MYO1B: variants seen among roughly 807,000 people sequenced by gnomAD.
MYO1B encodes unconventional myosin-Ib.
Under a neutral mutation model 159.7 loss-of-function variants are expected in MYO1B, and 72 were observed. The ratio of observed to expected loss-of-function variants is 0.45; its 90% CI spans 0.37 to 0.55. MYO1B has a LOEUF of 0.55. MYO1B is among the 20% of genes least tolerant of loss of function. MYO1B has a pLI of 0.00. For missense variants in MYO1B, 1,062 were observed against 1,364.8 expected, an observed-to-expected ratio of 0.78 and a Z score of 3.50; for synonymous variants, 468 against 473.8, an observed-to-expected ratio of 0.99 and a Z score of 0.16.
intron 1 of MYO1B, among the ~76,000 whole-genome samples, chr2:191,275,880 C>T (rs1244126804): frequency 2.0e-5 from 3 of 152,208 alleles, no homozygotes; most frequent in African/African-American, 2.4e-5. Context: ...ATATCCCACA[C>T]ACTCCTATGC....
chr2:191,355,134 T>C (rs546870619), intron 7 of MYO1B, among the ~76,000 whole-genome samples: 1 of 152,322 alleles, frequency 6.6e-6, no homozygotes, highest in African/African-American at 2.4e-5. Flanking sequence ...GTGAATGAGC[T>C]TGGGTTAGCT....
chr2:191,363,612 A>G (rs1693815934), intron 9 of MYO1B, 116 bp from the exon 10 acceptor site: 3 of 1,346,596 alleles, frequency 2.2e-6, no homozygotes, highest in Non-Finnish European at 3.0e-6. Flanking sequence ...CTGAAGATAT[A>G]GCTTTGTCTT....
chr2:191,249,153 A>G (rs1228339568), intron 1 of MYO1B, among the ~76,000 whole-genome samples: 1 of 152,194 alleles, frequency 6.6e-6, no homozygotes, highest in African/African-American at 2.4e-5. Flanking sequence ...AGCCCTTTTT[A>G]TCTTACAGCC....
chr2:191,305,801 G>A (rs557342458), intron 3 of MYO1B, among the ~76,000 whole-genome samples: 3 of 152,266 alleles, frequency 2.0e-5, no homozygotes, highest in African/African-American at 7.2e-5. Flanking sequence ...GTGGTCCCCT[G>A]GGAAATGGGG....
chr2:191,313,192 C>CTTTTTTTTTTTTTTTT (rs762175060), intron 3 of MYO1B, among the ~76,000 whole-genome samples: 9 of 43,010 alleles, frequency 2.1e-4, no homozygotes, highest in South Asian at 1.7e-3. Flanking sequence ...GCACACATGG[C>CTTTTTTTTTTTTTTTT]TTTTTTTTTT....
chr2:191,390,794 TAG>T (rs1488186023), intron 18 of MYO1B, among the ~76,000 whole-genome samples: 1 of 152,198 alleles, frequency 6.6e-6, no homozygotes, highest in Non-Finnish European at 1.5e-5. Context: ...AGGGTAGAAT[TAG>T]AGACAGGTTG....
intron 13 of MYO1B, among the ~76,000 whole-genome samples, chr2:191,376,430 A>G (rs1002941451): frequency 2.6e-5 from 4 of 152,232 alleles, no homozygotes; most frequent in Admixed American, 2.6e-4. Context: ...AAGCTGTCAA[A>G]GGCTTTAACA....
chr2:191,310,494 C>T (rs1315425827), intron 3 of MYO1B, among the ~76,000 whole-genome samples: 3 of 152,170 alleles, frequency 2.0e-5, no homozygotes, highest in East Asian at 1.9e-4. Context: ...TGAGCCACCA[C>T]GCCCGACCTG....
At position 191,317,262 on chromosome 2, in the gene MYO1B, A is replaced by T. The variant is rs1690412147; in HGVS notation, c.252-12673A>T. Among the ~76,000 whole-genome samples the T allele has an allele frequency of 2.6e-5, 4 of 152,152 alleles. No homozygotes were observed. The South Asian group carries it at 8.3e-4, about 32-fold the overall frequency. Reference sequence around the variant, plus strand: ...GAACTCAAGAAGGAAATGAGGATAAAAGTGATACTTGTTCAAAGGGGACCT... The same window carrying T: ...GAACTCAAGAAGGAAATGAGGATAATAGTGATACTTGTTCAAAGGGGACCT... On this transcript the variant is annotated intron_variant, in intron 3 of 30. Coordinates refer to ENST00000392318, the MANE Select transcript of MYO1B (RefSeq NM_001130158.3).
Position 191,387,345 on chromosome 2 carries a change from C to G in MYO1B, c.1676C>G (p.Pro559Arg). The G allele has an allele frequency of 6.2e-7, 1 of 1,614,142 alleles. No individual in the cohort carries two copies. The highest frequency in any genetic ancestry group is 8.5e-7 in the Non-Finnish European group (1 of 1,180,036). Residue 559 changes from proline to arginine, a missense_variant, in exon 17 of 31, where the codon CCC becomes CGC. Pro to Arg is a moderately radical substitution (Grantham distance 103). Coordinates refer to ENST00000392318, the MANE Select transcript of MYO1B (RefSeq NM_001130158.3). Reference protein sequence around the residue: ...LIKSLFPEGNPAKINLKRPPT... With the variant: ...LIKSLFPEGNRAKINLKRPPT... ...AAGTCTTTGTTCCCCGAAGGGAATC[C>G]CGCCAAGATCAACCTGAAAAGGCCT...
intron 13 of MYO1B, chr2:191,371,132 G>A (rs1329782913): frequency 1.3e-5 from 2 of 152,094 alleles, no homozygotes; most frequent in Non-Finnish European, 2.9e-5. Context: ...TTTTAGGAGT[G>A]GTATTTTAGT....
intron 2 of MYO1B, among the ~76,000 whole-genome samples, chr2:191,295,619 T>A (rs1688936969): frequency 6.6e-6 from 1 of 152,064 alleles, no homozygotes; most frequent in South Asian, 2.1e-4. Flanking sequence ...TGTGGAAAGA[T>A]TGACAGACTT....
chr2:191,369,236 A>G (rs1240182129), intron 11 of MYO1B, among the ~76,000 whole-genome samples: 1 of 152,036 alleles, frequency 6.6e-6, no homozygotes, highest in Non-Finnish European at 1.5e-5. Context: ...ACTACCCCCT[A>G]TTGTTGGATG....
chr2:191,282,038 G>T (rs574208533), intron 2 of MYO1B, among the ~76,000 whole-genome samples: 1 of 152,270 alleles, frequency 6.6e-6, no homozygotes, highest in East Asian at 1.9e-4. Flanking sequence ...CCATATATTT[G>T]ATTTAAAATA....
rs372336668 is a variant in MYO1B, at chr2:191,383,316, G to T, written c.1327G>T (p.Ala443Ser). 3.8e-6 allele frequency: 6 copies of T among 1,583,780 alleles called. No homozygotes were observed. Among genetic ancestry groups the T allele is most frequent in the Non-Finnish European group, 5.1e-6 (6 of 1,166,936 alleles). The part of the protein sequence containing the change: ...EWTHIDYFNN[A>S]IICDLIENNT... Reference sequence around the variant, plus strand: ...GACTCACATTGACTACTTCAATAATGCTATCATTTGTGACCTAATAGAAAA... The same window carrying T: ...GACTCACATTGACTACTTCAATAATTCTATCATTTGTGACCTAATAGAAAA... The change falls in exon 15 of 31, where the codon GCT becomes TCT. Residue 443 changes from alanine to serine, a missense_variant. Transcript: ENST00000392318.
chr2:191,383,241 A>G, intron 14 of MYO1B, 39 bp from the exon 15 acceptor site: 1 of 1,338,738 alleles, frequency 7.5e-7, no homozygotes, highest in Non-Finnish European at 1.0e-6. Context: ...TCGTGGCTTC[A>G]TCTTGTGTCA....
intron 13 of MYO1B, among the ~76,000 whole-genome samples, chr2:191,380,724 CAGAG>C (rs1299235450): frequency 1.3e-5 from 2 of 152,106 alleles, no homozygotes; most frequent in Admixed American, 6.6e-5. Flanking sequence ...GGGCCTTCTA[CAGAG>C]AGAGAGATTG....
At chr2:191,355,925 A>G (rs1453891584) in intron 7 of MYO1B, among the ~76,000 whole-genome samples, 1 of 152,126 alleles carries the variant, frequency 6.6e-6, no homozygotes. Context: ...TTTTTAATTT[A>G]CGACACAATT....
At chr2:191,325,435 T>C (rs555629871) in intron 3 of MYO1B, among the ~76,000 whole-genome samples, 53 of 152,176 alleles carry the variant, frequency 3.5e-4, no homozygotes, top group Non-Finnish European at 6.5e-4. Context: ...GTAAGTTTCC[T>C]GAGACAAATT....
Sources: allele counts gnomAD v4.1 joint callset (sites outside exome capture counted in the v4.1 genomes callset), GRCh38; gene constraint gnomAD v4.1.1; transcripts MANE v1.5; gene names NCBI Gene and HGNC (gene_info 2026-07-23, HGNC 2026-07-21).